The following MAGI1 variants were observed in gnomAD, a reference collection of about 807,000 sequenced individuals.
The protein encoded by MAGI1 is membrane associated guanylate kinase, WW and PDZ domain containing 1.
MAGI1 carries 58 observed loss-of-function variants against 139.9 expected under a neutral mutation model. The observed-to-expected ratio is 0.41, with a 90% CI of 0.34 to 0.52. The LOEUF is 0.52. Ranked by LOEUF, MAGI1 falls within the 20% of genes least tolerant of loss-of-function variation. The probability of loss-of-function intolerance (pLI) is 0.12; values close to 1 mark genes in which losing one functional copy is unlikely to be tolerated. For synonymous variants in MAGI1, 812 were observed against 737.9 expected, an observed-to-expected ratio of 1.10 and a Z score of -1.63; for missense variants, 1,874 against 1,901.6, an observed-to-expected ratio of 0.99 and a Z score of 0.27.
At chr3:65,389,430 C>T (rs1444583613) in intron 14 of MAGI1, among the ~76,000 whole-genome samples, 2 of 152,138 alleles carry the variant, frequency 1.3e-5, no homozygotes, top group Non-Finnish European at 2.9e-5. Context: ...TACAGGAAAA[C>T]TCAATCATAA....
At chr3:65,753,271 G>T (rs1017156592) in intron 1 of MAGI1, among the ~76,000 whole-genome samples, 2 of 152,106 alleles carry the variant, frequency 1.3e-5, no homozygotes, top group Non-Finnish European at 2.9e-5. Context: ...AGGCTCGTCA[G>T]AATTTGTGGT....
chr3:65,623,643 T>C (rs2083808418), intron 1 of MAGI1, among the ~76,000 whole-genome samples: 1 of 152,142 alleles, frequency 6.6e-6, no homozygotes, highest in African/African-American at 2.4e-5. Context: ...AAATGGTAAC[T>C]TCCCTATGGT....
At chr3:65,897,891 A>T (rs374790927) in intron 1 of MAGI1, among the ~76,000 whole-genome samples, 1 of 113,324 alleles carries the variant, frequency 8.8e-6, no homozygotes, top group African/African-American at 3.2e-5. Flanking sequence ...AGAAAGGAAA[A>T]GGGGGGAAAA....
chr3:65,694,441 T>TA (rs34599584), intron 1 of MAGI1, among the ~76,000 whole-genome samples: 43,309 of 151,734 alleles, frequency 0.29, 6,281 homozygotes, highest in East Asian at 0.43. Flanking sequence ...TAGTAAGTGC[T>TA]AAAAAAAATA....
intron 1 of MAGI1, among the ~76,000 whole-genome samples, chr3:65,724,807 G>C (rs1399675408): frequency 6.6e-6 from 1 of 152,060 alleles, no homozygotes; most frequent in African/African-American, 2.4e-5. Context: ...AGCAAAGAGG[G>C]GAAGAGCACC....
chr3:65,569,528 G>C (rs2080839332), intron 2 of MAGI1, among the ~76,000 whole-genome samples: 1 of 150,984 alleles, frequency 6.6e-6, no homozygotes, highest in Non-Finnish European at 1.5e-5. Context: ...CAAAACTGTA[G>C]GTAAGTTTAA....
At chr3:65,975,099 A>AT (rs2065200982) in intron 1 of MAGI1, among the ~76,000 whole-genome samples, 1 of 151,826 alleles carries the variant, frequency 6.6e-6, no homozygotes, top group Non-Finnish European at 1.5e-5. Flanking sequence ...ATTTAAAAAA[A>AT]AAAAAACAGT....
intron 2 of MAGI1, among the ~76,000 whole-genome samples, chr3:65,528,060 A>G (rs1440362754): frequency 2.6e-5 from 4 of 152,186 alleles, no homozygotes; most frequent in Admixed American, 1.3e-4. Context: ...AAAGACTACA[A>G]AGATTTTAAG....
chr3:65,417,534 C>A (rs1946316519), intron 12 of MAGI1, among the ~76,000 whole-genome samples: 2 of 149,118 alleles, frequency 1.3e-5, no homozygotes, highest in South Asian at 2.1e-4. Context: ...TTTTTTAAAG[C>A]ATAAATTAAA....
intron 2 of MAGI1, among the ~76,000 whole-genome samples, chr3:65,588,068 C>T (rs1488143578): frequency 6.6e-6 from 1 of 152,138 alleles, no homozygotes; most frequent in African/African-American, 2.4e-5. Flanking sequence ...AGCCCCAAAT[C>T]GCTGGCTCAT....
intron 2 of MAGI1, among the ~76,000 whole-genome samples, chr3:65,588,281 G>A (rs1372410587): frequency 6.6e-6 from 1 of 152,192 alleles, no homozygotes; most frequent in Non-Finnish European, 1.5e-5. Context: ...TGTTATATGA[G>A]ATAAGAACTT....
intron 1 of MAGI1, among the ~76,000 whole-genome samples, chr3:65,933,408 T>A (rs1388920650): frequency 6.6e-6 from 1 of 152,204 alleles, no homozygotes; most frequent in Admixed American, 6.5e-5. Context: ...AGACCCTGGT[T>A]CCATGCTACG....
chr3:65,527,267 C>T (rs990996759), intron 2 of MAGI1, among the ~76,000 whole-genome samples: 2 of 152,188 alleles, frequency 1.3e-5, no homozygotes, highest in African/African-American at 4.8e-5. Context: ...TCACACCTAA[C>T]TTACATTGTT....
chr3:65,805,594 AC>A (rs1447404452), intron 1 of MAGI1, among the ~76,000 whole-genome samples: 9 of 152,230 alleles, frequency 5.9e-5, no homozygotes, highest in African/African-American at 2.2e-4. Context: ...CTGGGTATAT[AC>A]CCAGAGGAAT....
intron 1 of MAGI1, among the ~76,000 whole-genome samples, chr3:65,845,285 G>T (rs972653170): frequency 2.0e-5 from 3 of 151,772 alleles, no homozygotes; most frequent in African/African-American, 4.8e-5. Context: ...GAAGAAAAAA[G>T]AAAAGAAAAG....
chr3:65,804,618 T>A (rs972159455), intron 1 of MAGI1, among the ~76,000 whole-genome samples: 1 of 152,136 alleles, frequency 6.6e-6, no homozygotes, highest in East Asian at 1.9e-4. Flanking sequence ...TCATGAACTA[T>A]AGCAAGTGGC....
rs143801069 is a variant in MAGI1 at position 65,545,549 on chromosome 3, C to T, written c.431-51918G>A. Among the ~76,000 whole-genome samples the T allele has an allele frequency of 8.5e-5, 13 of 152,292 alleles. 1 individual carries two copies. The highest frequency in any genetic ancestry group is 3.1e-4 in the African/African-American group (13 of 41,566). ...CCCATAGTGAAGTAAAACTTCCTTA[C>T]TTTCAGACAGGCCTTTATTGTGATG... On this transcript the variant is annotated intron_variant, in intron 2 of 22. Coordinates refer to ENST00000402939, the MANE Select transcript of MAGI1 (RefSeq NM_001033057.2).
intron 5 of MAGI1, among the ~76,000 whole-genome samples, chr3:65,454,496 C>T (rs1462061168): frequency 6.9e-6 from 1 of 145,842 alleles, no homozygotes; most frequent in Non-Finnish European, 1.5e-5. Context: ...CTAACCTGCA[C>T]ATTGTGCACA....
intron 1 of MAGI1, among the ~76,000 whole-genome samples, chr3:65,786,913 C>A (rs1001025323): frequency 6.6e-6 from 1 of 152,156 alleles, no homozygotes; most frequent in Non-Finnish European, 1.5e-5. Context: ...CCGCGCAAGA[C>A]CCCAAGAATC....
Sources: allele counts gnomAD v4.1 joint callset (sites outside exome capture counted in the v4.1 genomes callset), GRCh38; gene constraint gnomAD v4.1.1; transcripts MANE v1.5; gene names NCBI Gene and HGNC (gene_info 2026-07-23, HGNC 2026-07-21).